The following SLF1 variants were observed in gnomAD, a reference collection of about 807,000 sequenced individuals.
The protein encoded by SLF1 is SMC5-SMC6 complex localization factor protein 1.
SLF1 carries 105 observed loss-of-function variants against 123.0 expected under a neutral mutation model. The ratio of observed to expected loss-of-function variants is 0.85; its 90% CI spans 0.73 to 1.00. The LOEUF is 1.00. SLF1 is among the 50% of genes least tolerant of loss of function. SLF1 has a pLI of 0.00. For missense variants in SLF1, 1,239 were observed against 1,223.0 expected, an observed-to-expected ratio of 1.01 and a Z score of -0.20; for synonymous variants, 434 against 406.6, an observed-to-expected ratio of 1.07 and a Z score of -0.81.
At chr5:94,653,179 G>A in intron 7 of SLF1, 93 bp from the exon 8 acceptor site, 1 of 1,219,046 alleles carries the variant, frequency 8.2e-7, no homozygotes, top group South Asian at 1.5e-5. Flanking sequence ...TTTTTAATGT[G>A]TATGAAAGTA....
chr5:94,655,585 A>G (rs1401844870), intron 9 of SLF1, among the ~76,000 whole-genome samples: 1 of 152,114 alleles, frequency 6.6e-6, no homozygotes, highest in Non-Finnish European at 1.5e-5. Context: ...TAAACATGGA[A>G]TGTCTTTCCA....
intron 4 of SLF1, among the ~76,000 whole-genome samples, chr5:94,631,885 C>G (rs529106870): frequency 6.6e-6 from 1 of 151,986 alleles, no homozygotes; most frequent in East Asian, 1.9e-4. Context: ...GAGGCCAAGG[C>G]AGGAGGTGAT....
chr5:94,676,107 C>A (rs1027419377), intron 14 of SLF1, among the ~76,000 whole-genome samples: 2 of 151,972 alleles, frequency 1.3e-5, no homozygotes, highest in Non-Finnish European at 2.9e-5. Flanking sequence ...CAACCTCTTG[C>A]TTCTTTCCTG....
intron 11 of SLF1, among the ~76,000 whole-genome samples, chr5:94,664,914 A>G (rs1005193028): frequency 2.6e-5 from 4 of 152,166 alleles, no homozygotes; most frequent in African/African-American, 9.7e-5. Flanking sequence ...TCAGCCCTCC[A>G]CATACGAAGG....
At chr5:94,643,247 T>G in intron 4 of SLF1, 26 bp from the exon 5 acceptor site, 1 of 1,472,426 alleles carries the variant, frequency 6.8e-7, no homozygotes, top group Non-Finnish European at 9.1e-7. Flanking sequence ...TTCTAATACT[T>G]TTATACCATT....
rs1753113435 is a variant in SLF1, at chr5:94,692,170, TCACTCA to T, written c.2610_2615del (p.Thr871_Gln872del). On this transcript the variant is annotated inframe_deletion, in exon 20 of 21. Transcript: ENST00000265140. ...CAACGTTGTCCAGAGGTAGATCTGC[TCACTCA>T]AGTGGACGGGGTGACTCCTTTGCAT... 6.2e-7 allele frequency: 1 copy of T among 1,613,912 alleles called. No individual in the cohort carries two copies. The highest frequency in any genetic ancestry group is 8.5e-7 in the Non-Finnish European group (1 of 1,179,856).
chr5:94,683,331 G>A (rs1752041870), intron 15 of SLF1, among the ~76,000 whole-genome samples: 2 of 151,932 alleles, frequency 1.3e-5, no homozygotes, highest in Admixed American at 1.3e-4. Context: ...AAATTTTATT[G>A]GCATTCTACC....
chr5:94,683,041 C>T (rs567784294), intron 15 of SLF1, among the ~76,000 whole-genome samples: 5 of 152,236 alleles, frequency 3.3e-5, no homozygotes, highest in African/African-American at 7.2e-5. Flanking sequence ...CTGACTTAAA[C>T]GTATTTCTTC....
chr5:94,679,282 T>C (rs1751474505), intron 15 of SLF1, among the ~76,000 whole-genome samples: 1 of 152,188 alleles, frequency 6.6e-6, no homozygotes, highest in South Asian at 2.1e-4. Context: ...TCCCCCCACA[T>C]ACATTTATTA....
Position 94,663,645 on chromosome 5 carries a change from A to AAATG in SLF1, c.1210-93_1210-90dup, listed in dbSNP as rs1208778041. ...GGGTAACAGAGTGAGACTCCGTCTCAAATGAATGAATGAATAAATAAATAA... is the reference window on the plus strand; with the variant it reads ...GGGTAACAGAGTGAGACTCCGTCTCAAATGAATGAATGAATGAATAAATAAATAA... On this transcript the variant is annotated intron_variant, in intron 10 of 20. Transcript: ENST00000265140. The AAATG allele has an allele frequency of 5.7e-6, 6 of 1,054,432 alleles. No homozygotes were observed. The African/African-American group carries it at 9.7e-5, about 17-fold the overall frequency. 65.3% of individuals were successfully genotyped at this position (1,054,432 alleles called of 1,614,324 possible).
intron 4 of SLF1, 69 bp from the exon 5 acceptor site, chr5:94,643,204 A>T: frequency 8.1e-7 from 1 of 1,227,152 alleles, no homozygotes; most frequent in Non-Finnish European, 1.1e-6. Flanking sequence ...AGAAATAATT[A>T]ATTTAGATAA....
upstream of SLF1, chr5:94,618,588 G>C (rs953764977): frequency 6.5e-6 from 1 of 154,406 alleles, no homozygotes; most frequent in African/African-American, 2.4e-5. Flanking sequence ...CCCTGGCGAC[G>C]GCTCCGGAGC....
At chr5:94,654,455 G>A (rs115625912) in intron 8 of SLF1, among the ~76,000 whole-genome samples, 175 bp from the exon 9 acceptor site, 1,776 of 150,914 alleles carry the variant, frequency 0.012, 41 homozygotes, top group African/African-American at 0.042. Flanking sequence ...AAATTGAAAT[G>A]TTTGCTTTTT....
chr5:94,627,588 A>ATATATGTG (rs201555353), intron 1 of SLF1, among the ~76,000 whole-genome samples: 54 of 74,572 alleles, frequency 7.2e-4, no homozygotes, highest in African/African-American at 3.5e-3. Flanking sequence ...AAATTAACAT[A>ATATATGTG]TATATATATA....
chr5:94,686,445 C>A, intron 15 of SLF1, 128 bp from the exon 16 acceptor site: 1 of 988,884 alleles, frequency 1.0e-6, no homozygotes, highest in Non-Finnish European at 1.5e-6. Context: ...GGATTAAAAT[C>A]ATGTGGATGA....
chr5:94,648,212 GA>G (rs1367659884), intron 5 of SLF1, among the ~76,000 whole-genome samples: 1 of 152,170 alleles, frequency 6.6e-6, no homozygotes, highest in Non-Finnish European at 1.5e-5. Flanking sequence ...TAGGAAGGGA[GA>G]AAAGTCTTTA....
rs1252860964 is a variant in SLF1 at position 94,686,647 on chromosome 5, G to A, written c.2050G>A (p.Ala684Thr). The A allele has an allele frequency of 6.2e-7, 1 of 1,613,946 alleles. No homozygotes were observed. The highest frequency in any genetic ancestry group is 8.5e-7 in the Non-Finnish European group (1 of 1,179,906). The change falls in exon 16 of 21, where the codon GCA becomes ACA. Residue 684 changes from alanine to threonine, a missense_variant. Transcript: ENST00000265140. ...CTGGCTTCAAATGTTTGTTGCAGAG[G>A]CAGTCTTTAAAAAGTTGTGTCTACA... ...SSWLQMFVAE[A>T]VFKKLCLQSS...
intron 14 of SLF1, chr5:94,678,564 T>C: frequency 3.5e-6 from 1 of 285,060 alleles, no homozygotes. Context: ...TAAAGTTTAT[T>C]CTAAACTGTT....
At chr5:94,651,393 C>CT (rs1747704772) in intron 6 of SLF1, among the ~76,000 whole-genome samples, 1 of 152,020 alleles carries the variant, frequency 6.6e-6, no homozygotes, top group South Asian at 2.1e-4. Flanking sequence ...TAGAAATATC[C>CT]TTTTTTAAAA....
Sources: gnomAD v4.1 joint callset for allele counts (sites outside exome capture counted in the v4.1 genomes callset) on GRCh38, gnomAD v4.1.1 for gene constraint, MANE v1.5 for transcripts, NCBI Gene and HGNC (gene_info 2026-07-23, HGNC 2026-07-21) for gene names.